Variants in SUMF1 observed in about 807,000 individuals in gnomAD.
The protein encoded by SUMF1 is sulfatase modifying factor 1, also known as formylglycine-generating enzyme.
A neutral mutation model predicts 47.6 loss-of-function variants in SUMF1; 48 were observed. The ratio of observed to expected loss-of-function variants is 1.01; its 90% CI spans 0.80 to 1.28. SUMF1 has a LOEUF of 1.28. Among genes scored for constraint, SUMF1 ranks in the 50% most tolerant of loss-of-function variants. The pLI, the probability that SUMF1 is intolerant of heterozygous loss-of-function variation, is 0.00. For synonymous variants in SUMF1, 230 were observed against 192.1 expected (o/e 1.20, Z -1.63); for missense variants, 571 against 485.4 (o/e 1.18, Z -1.66).
intron 8 of SUMF1, among the ~76,000 whole-genome samples, chr3:4,138,169 T>A (rs1217507551): frequency 6.6e-6 from 1 of 152,100 alleles, no homozygotes; most frequent in African/African-American, 2.4e-5. Flanking sequence ...GGAAAGATAA[T>A]CTGTGTCCAT....
At chr3:4,114,983 C>T (rs1207518584) in intron 8 of SUMF1, among the ~76,000 whole-genome samples, 1 of 151,874 alleles carries the variant, frequency 6.6e-6, no homozygotes, top group Non-Finnish European at 1.5e-5. Flanking sequence ...CCTGTGCCCA[C>T]GGAACTAGGT....
chr3:4,284,537 C>T (rs894502827), intron 8 of SUMF1, among the ~76,000 whole-genome samples: 1 of 151,516 alleles, frequency 6.6e-6, no homozygotes, highest in African/African-American at 2.4e-5. Context: ...CATTCTGCTA[C>T]AGGTGACCCT....
chr3:4,450,228 G>C (rs1702924199), intron 2 of SUMF1, among the ~76,000 whole-genome samples: 1 of 152,194 alleles, frequency 6.6e-6, no homozygotes. Flanking sequence ...AATACAAGTA[G>C]TTCAAGAGAT....
intron 8 of SUMF1, among the ~76,000 whole-genome samples, chr3:4,218,209 C>G (rs78033781): frequency 0.025 from 3,875 of 152,072 alleles, 171 homozygotes; most frequent in African/African-American, 0.088. Context: ...TCAACCCTGT[C>G]AACCGAACAC....
At chr3:4,073,554 A>G (rs1194206477) in intron 8 of SUMF1, among the ~76,000 whole-genome samples, 3 of 152,194 alleles carry the variant, frequency 2.0e-5, no homozygotes, top group Non-Finnish European at 2.9e-5. Context: ...TTGGATAAAG[A>G]GTCAAGACCC....
chr3:4,177,158 G>A (rs1029308801), intron 8 of SUMF1, among the ~76,000 whole-genome samples: 1 of 152,098 alleles, frequency 6.6e-6, no homozygotes, highest in Admixed American at 6.5e-5. Context: ...AGGATACCCA[G>A]GACCTCAACT....
At chr3:4,273,423 CATATT>C (rs1485148176) in intron 8 of SUMF1, among the ~76,000 whole-genome samples, 3 of 151,992 alleles carry the variant, frequency 2.0e-5, no homozygotes, top group Non-Finnish European at 4.4e-5. Context: ...CAACAGACTA[CATATT>C]ATATGATTCC....
chr3:4,277,075 A>G lies in SUMF1; in HGVS notation c.1014+99255T>C, dbSNP rs1381611162. 2.6e-5 allele frequency among the ~76,000 whole-genome samples: 4 copies of G among 152,254 alleles called. 1 individual carries two copies. Among genetic ancestry groups the G allele is most frequent in the South Asian group, 4.1e-4 (2 of 4,824 alleles). On this transcript the variant is annotated intron_variant and NMD_transcript_variant, in intron 8 of 12. Transcript: ENST00000448413. ...AATCCAGTGGTTCCCAAACCTTGTTAGGCAGTCTATTATACGCGGAACCTG... is the reference window on the plus strand; with the variant it reads ...AATCCAGTGGTTCCCAAACCTTGTTGGGCAGTCTATTATACGCGGAACCTG...
At chr3:4,336,726 G>A (rs780231849) in intron 8 of SUMF1, among the ~76,000 whole-genome samples, 38 of 152,278 alleles carry the variant, frequency 2.5e-4, no homozygotes, top group Non-Finnish European at 5.3e-4. Context: ...TGAATGCCCA[G>A]GCATGATCAA....
At chr3:4,227,978 G>A (rs1221940088) in intron 8 of SUMF1, among the ~76,000 whole-genome samples, 1 of 152,118 alleles carries the variant, frequency 6.6e-6, no homozygotes, top group East Asian at 1.9e-4. Context: ...ATGAGTTGGA[G>A]TAGCCATAGG....
chr3:4,243,959 A>G (rs144365088), intron 8 of SUMF1, among the ~76,000 whole-genome samples: 5,053 of 152,236 alleles, frequency 0.033, 307 homozygotes, highest in African/African-American at 0.12. Flanking sequence ...GGGTGCATAT[A>G]TATTTAGGAT....
chr3:4,283,100 G>T (rs1559649232), intron 8 of SUMF1, among the ~76,000 whole-genome samples: 1 of 152,242 alleles, frequency 6.6e-6, no homozygotes, highest in East Asian at 1.9e-4. Flanking sequence ...CTCCCTTGAG[G>T]ATCTTTAGAC....
rs543307902 is a variant in SUMF1 at position 4,346,043 on chromosome 3, C to A, written c.1014+30287G>T. Among the ~76,000 whole-genome samples, 4 of 152,274 alleles carry A rather than the reference C, an allele frequency of 2.6e-5. No individual in the cohort carries two copies. In the East Asian group the frequency reaches 7.7e-4, roughly 29 times the overall value. ...ATTCATAAAACAAATTTTTAGAGATCTACAAAGAGACTTAGACTCCCACAC... is the reference window on the plus strand; with the variant it reads ...ATTCATAAAACAAATTTTTAGAGATATACAAAGAGACTTAGACTCCCACAC... On this transcript the variant is annotated intron_variant and NMD_transcript_variant, in intron 8 of 12. Transcript: ENST00000448413.
chr3:4,155,590 C>T (rs1694434900), intron 8 of SUMF1, among the ~76,000 whole-genome samples: 1 of 151,362 alleles, frequency 6.6e-6, no homozygotes. Context: ...GTGGCAGCAG[C>T]AATTTTCTCT....
rs141910027 is a variant in SUMF1, at chr3:4,410,573, A to C, written c.954+292T>G. Among the ~76,000 whole-genome samples, 383 of 152,318 alleles carry C rather than the reference A, an allele frequency of 2.5e-3. 3 individuals are homozygous for C. Among genetic ancestry groups the C allele is most frequent in the African/African-American group, 8.9e-3 (372 of 41,576 alleles). ...CTTTATAGTTATTTATATATCATGC[A>C]TGCTTTGATCAAATTTACGAGACTG... is the stretch of plus-strand genomic sequence containing the variant. On this transcript the variant is annotated intron_variant, in intron 7 of 8. Coordinates refer to ENST00000272902, the MANE Select transcript of SUMF1 (RefSeq NM_182760.4).
At chr3:4,205,926 T>C (rs1312938089) in intron 8 of SUMF1, among the ~76,000 whole-genome samples, 1 of 152,096 alleles carries the variant, frequency 6.6e-6, no homozygotes, top group East Asian at 1.9e-4. Flanking sequence ...AACTACTGCC[T>C]GGCTACCACT....
At chr3:4,148,055 A>T (rs1574926922) in intron 8 of SUMF1, among the ~76,000 whole-genome samples, 1 of 152,188 alleles carries the variant, frequency 6.6e-6, no homozygotes, top group African/African-American at 2.4e-5. Flanking sequence ...AGCATTTTTA[A>T]CTAAGTTTAA....
chr3:4,362,290 G>T (rs181406857), intron 8 of SUMF1, 36 bp from the exon 9 acceptor site: 1 of 1,575,450 alleles, frequency 6.3e-7, no homozygotes, highest in Non-Finnish European at 8.7e-7. Context: ...AGTGCTACTG[G>T]GACTCTCAGC....
At chr3:4,338,025 C>T (rs1699191063) in intron 8 of SUMF1, among the ~76,000 whole-genome samples, 1 of 152,170 alleles carries the variant, frequency 6.6e-6, no homozygotes, top group Non-Finnish European at 1.5e-5. Flanking sequence ...TCCCAACTTG[C>T]TTTGCAGAAA....
Sources: gnomAD v4.1 joint callset for allele counts (sites outside exome capture counted in the v4.1 genomes callset) on GRCh38, gnomAD v4.1.1 for gene constraint, MANE v1.5 for transcripts, NCBI Gene and HGNC (gene_info 2026-07-23, HGNC 2026-07-21) for gene names.